Variants in MTMR3 observed in about 807,000 individuals in gnomAD.
The protein encoded by MTMR3 is myotubularin related protein 3.
MTMR3 carries 32 observed loss-of-function variants against 132.4 expected under a neutral mutation model. The ratio of observed to expected loss-of-function variants is 0.24; its 90% CI spans 0.18 to 0.32. The LOEUF is 0.32. Ranked by LOEUF, MTMR3 falls within the 10% of genes least tolerant of loss-of-function variation. The pLI, the probability that MTMR3 is intolerant of heterozygous loss-of-function variation, is 1.00. For synonymous variants in MTMR3, 556 were observed against 550.3 expected (o/e 1.01, Z -0.14); for missense variants, 1,216 against 1,489.6 (o/e 0.82, Z 3.02).
chr22:29,957,075 A>T lies in MTMR3; in HGVS notation c.-98A>T, dbSNP rs2066207702. The T allele has an allele frequency of 6.6e-6, 1 of 152,016 alleles. No individual in the cohort carries two copies. The highest frequency in any genetic ancestry group is 1.5e-5 in the Non-Finnish European group (1 of 67,994). 9.4% of individuals were successfully genotyped at this position (152,016 alleles called of 1,614,324 possible). A position where few individuals can be genotyped will look rare whatever the true frequency, so the allele number is the denominator to read the frequency against. On this transcript the variant is annotated 5_prime_UTR_variant, in exon 2 of 20. Transcript: ENST00000401950. ...CCTCCTAGTAGAAAAAGTTCTTGGG[A>T]CAAACTTCATTTGGTAAGTTTGTTT...
chr22:29,920,860 A>T (rs964616790), intron 1 of MTMR3, among the ~76,000 whole-genome samples: 1 of 151,852 alleles, frequency 6.6e-6, no homozygotes, highest in African/African-American at 2.4e-5. Context: ...GAAGATACCT[A>T]ATGGTTATTT....
At chr22:29,977,296 A>C (rs1324321552) in intron 3 of MTMR3, among the ~76,000 whole-genome samples, 1 of 152,134 alleles carries the variant, frequency 6.6e-6, no homozygotes. Context: ...TGACTTAAAA[A>C]AGAAAAGTGC....
intron 3 of MTMR3, among the ~76,000 whole-genome samples, chr22:29,976,057 G>A (rs1165305361): frequency 1.3e-5 from 2 of 151,340 alleles, no homozygotes; most frequent in Admixed American, 6.6e-5. Flanking sequence ...TTGGTCATTA[G>A]GAAAATAATG....
chr22:29,962,419 C>A (rs984052231), intron 2 of MTMR3, among the ~76,000 whole-genome samples: 2 of 152,100 alleles, frequency 1.3e-5, no homozygotes, highest in Non-Finnish European at 2.9e-5. Flanking sequence ...GTAATCCCAG[C>A]AGTTTGGGAG....
rs1021786644 is a variant in MTMR3 at position 29,899,149 on chromosome 22, A to G, written c.-138+15790A>G. Among the ~76,000 whole-genome samples, 4 of 152,310 alleles carry G rather than the reference A, an allele frequency of 2.6e-5. No individual in the cohort carries two copies. The East Asian group carries it at 7.7e-4, about 29-fold the overall frequency. ...TGAGATGAGGAGCCTTCAATCCAAC[A>G]AAGTTGTATACATGCATTCATGGAG... On this transcript the variant is annotated intron_variant, in intron 1 of 19. Coordinates refer to ENST00000401950, the MANE Select transcript of MTMR3 (RefSeq NM_021090.4).
intron 1 of MTMR3, among the ~76,000 whole-genome samples, chr22:29,956,730 C>T (rs2066199709): frequency 6.6e-6 from 1 of 152,110 alleles, no homozygotes; most frequent in Admixed American, 6.5e-5. Context: ...CCCAAGAAGC[C>T]ACCAGAAATG....
chr22:29,918,610 A>T (rs1056472615), intron 1 of MTMR3, among the ~76,000 whole-genome samples: 5 of 152,202 alleles, frequency 3.3e-5, no homozygotes, highest in Non-Finnish European at 5.9e-5. Context: ...CTCAGTTTGT[A>T]GACTATGAAG....
Position 29,915,429 on chromosome 22 carries a change from G to T in MTMR3, c.-138+32070G>T, listed in dbSNP as rs551410609. On this transcript the variant is annotated intron_variant, in intron 1 of 19. Transcript: ENST00000401950. ...GACGGTCTCCTTCATTCATTCATTT[G>T]TTCATTCATTGAGATGGAGTCTCGC... Among the ~76,000 whole-genome samples, 52 of 152,000 alleles carry T rather than the reference G, an allele frequency of 3.4e-4. No individual in the cohort carries two copies. The South Asian group carries it at 0.01, about 30-fold the overall frequency.
At chr22:29,983,365 G>C (rs2066793132) in intron 5 of MTMR3, 2 of 152,122 alleles carry the variant, frequency 1.3e-5, no homozygotes, top group Non-Finnish European at 1.5e-5. Context: ...GTCCAGGCTG[G>C]AGTGCGTTAG....
intron 9 of MTMR3, chr22:30,004,464 A>G (rs2067235332): frequency 6.6e-6 from 1 of 152,152 alleles, no homozygotes; most frequent in Non-Finnish European, 1.5e-5. Context: ...TTGAAGAAAA[A>G]CTTCCTTTTT....
At chr22:29,911,030 A>T (rs2065201496) in intron 1 of MTMR3, among the ~76,000 whole-genome samples, 1 of 152,176 alleles carries the variant, frequency 6.6e-6, no homozygotes, top group Non-Finnish European at 1.5e-5. Context: ...GGAATAGAAC[A>T]TGCACTGGAT....
At chr22:29,887,178 A>G (rs914590707) in intron 1 of MTMR3, among the ~76,000 whole-genome samples, 1 of 152,210 alleles carries the variant, frequency 6.6e-6, no homozygotes, top group Non-Finnish European at 1.5e-5. Context: ...AGATATTAAA[A>G]ATGAAAATTG....
chr22:29,961,855 TTC>T, intron 2 of MTMR3, among the ~76,000 whole-genome samples: 1 of 152,348 alleles, frequency 6.6e-6, no homozygotes, highest in Non-Finnish European at 1.5e-5. Context: ...TTACTGTATC[TTC>T]TCTGTTTATG....
intron 1 of MTMR3, among the ~76,000 whole-genome samples, chr22:29,954,059 C>A (rs200202596): frequency 1.3e-5 from 1 of 79,436 alleles, no homozygotes; most frequent in African/African-American, 5.3e-5. Flanking sequence ...TCAAATGAGT[C>A]TTTTTTTTTT....
intron 1 of MTMR3, among the ~76,000 whole-genome samples, chr22:29,953,196 A>G (rs1044713485): frequency 6.6e-6 from 1 of 152,214 alleles, no homozygotes; most frequent in East Asian, 1.9e-4. Context: ...TGTAGAAAGT[A>G]TTCTGTTGTT....
chr22:29,909,804 T>G (rs1371870356), intron 1 of MTMR3, among the ~76,000 whole-genome samples: 1 of 152,218 alleles, frequency 6.6e-6, no homozygotes, highest in Non-Finnish European at 1.5e-5. Flanking sequence ...TTGCTTCTTG[T>G]TAAAAACAGA....
In MTMR3 at chr22:29,906,585, C is replaced by T. The variant is rs560577957; in HGVS notation, c.-138+23226C>T. 2.0e-5 allele frequency among the ~76,000 whole-genome samples: 3 copies of T among 152,100 alleles called. No individual in the cohort carries two copies. The South Asian group carries it at 6.2e-4, about 32-fold the overall frequency. ...TCCTGACCTCAAGTGTTCCATCTCC[C>T]TCGGCCTCCCGAAGTGCTGGGATTA... On this transcript the variant is annotated intron_variant, in intron 1 of 19. Coordinates refer to ENST00000401950, the MANE Select transcript of MTMR3 (RefSeq NM_021090.4).
intron 1 of MTMR3, among the ~76,000 whole-genome samples, chr22:29,920,852 A>G (rs2065396619): frequency 6.6e-6 from 1 of 152,138 alleles, no homozygotes; most frequent in Non-Finnish European, 1.5e-5. Context: ...TATTCTTTGA[A>G]GATACCTAAT....
chr22:29,906,747 C>G (rs1158416633), intron 1 of MTMR3, among the ~76,000 whole-genome samples: 3 of 152,106 alleles, frequency 2.0e-5, no homozygotes, highest in South Asian at 2.1e-4. Context: ...TATATCTACT[C>G]CCCCTTTCCC....
Sources: gnomAD v4.1 joint callset for allele counts (sites outside exome capture counted in the v4.1 genomes callset) on GRCh38, gnomAD v4.1.1 for gene constraint, MANE v1.5 for transcripts, NCBI Gene and HGNC (gene_info 2026-07-23, HGNC 2026-07-21) for gene names.